CSTPP1: variants seen among roughly 807,000 people sequenced by gnomAD.
The protein encoded by CSTPP1 is UPF0705 protein C11orf49.
the CSTPP1 span, among the ~76,000 whole-genome samples, chr11:47,001,961 T>A: frequency 6.6e-6 from 1 of 152,218 alleles, no homozygotes; most frequent in Non-Finnish European, 1.5e-5. Flanking sequence ...GGGCCATTTC[T>A]GCTCATGTTT....
At chr11:47,088,101 T>C in the CSTPP1 span, among the ~76,000 whole-genome samples, 2 of 152,212 alleles carry the variant, frequency 1.3e-5, no homozygotes, top group South Asian at 4.1e-4. Flanking sequence ...GACATCACAT[T>C]CTGTCGCTTT....
chr11:47,093,161 A>G, the CSTPP1 span, among the ~76,000 whole-genome samples: 1 of 152,244 alleles, frequency 6.6e-6, no homozygotes, highest in Non-Finnish European at 1.5e-5. Flanking sequence ...CAAAGGGCTC[A>G]TTTTACAAAT....
At chr11:47,145,940 G>A in the CSTPP1 span, among the ~76,000 whole-genome samples, 1 of 151,646 alleles carries the variant, frequency 6.6e-6, no homozygotes. Flanking sequence ...TTTAAGATGG[G>A]GTCTTGCTGT....
the CSTPP1 span, among the ~76,000 whole-genome samples, chr11:46,973,790 G>GTGTGTA: frequency 1.3e-5 from 2 of 151,744 alleles, no homozygotes; most frequent in Non-Finnish European, 2.9e-5. Context: ...ATGTGTGTGT[G>GTGTGTA]TGTGTGTGTC....
chr11:46,997,909 C>G, the CSTPP1 span, among the ~76,000 whole-genome samples: 46 of 152,282 alleles, frequency 3.0e-4, no homozygotes, highest in African/African-American at 1.0e-3. Flanking sequence ...GTTGCCTGAT[C>G]GTTCCTCTGG....
chr11:47,080,195 C>T, the CSTPP1 span, among the ~76,000 whole-genome samples: 1 of 152,158 alleles, frequency 6.6e-6, no homozygotes, highest in African/African-American at 2.4e-5. Context: ...GTGGCTCACG[C>T]CTGTAATCCC....
the CSTPP1 span, among the ~76,000 whole-genome samples, chr11:46,998,944 G>T: frequency 6.6e-6 from 1 of 152,034 alleles, no homozygotes; most frequent in Non-Finnish European, 1.5e-5. Flanking sequence ...GCTTCACCGT[G>T]TTAGCCAGGA....
At chr11:47,115,682 T>C in the CSTPP1 span, among the ~76,000 whole-genome samples, 1 of 152,118 alleles carries the variant, frequency 6.6e-6, no homozygotes. Flanking sequence ...TTTTATTGCA[T>C]CTATTTGATT....
At chr11:47,056,394 G>A in the CSTPP1 span, among the ~76,000 whole-genome samples, 1 of 152,122 alleles carries the variant, frequency 6.6e-6, no homozygotes, top group African/African-American at 2.4e-5. Flanking sequence ...TAGAAGTGGG[G>A]CCTCTTCAAG....
the CSTPP1 span, among the ~76,000 whole-genome samples, chr11:47,147,863 TG>T: frequency 6.6e-6 from 1 of 152,230 alleles, no homozygotes; most frequent in African/African-American, 2.4e-5. Context: ...AATGAACTTA[TG>T]GGTGTGTAGT....
the CSTPP1 span, among the ~76,000 whole-genome samples, chr11:47,163,040 T>C: frequency 6.6e-6 from 1 of 151,882 alleles, no homozygotes; most frequent in Non-Finnish European, 1.5e-5. Context: ...CCAGGCATGG[T>C]AGCTTGCACC....
chr11:47,013,528 C>T, the CSTPP1 span, among the ~76,000 whole-genome samples: 2 of 152,160 alleles, frequency 1.3e-5, no homozygotes, highest in African/African-American at 2.4e-5. Context: ...TGTTAGTTTG[C>T]TGAGGATAAT....
the CSTPP1 span, among the ~76,000 whole-genome samples, chr11:46,962,224 C>G: frequency 7.2e-5 from 11 of 152,138 alleles, no homozygotes; most frequent in Admixed American, 6.5e-4. Context: ...CAGGCACTTA[C>G]GTCAAAAATC....
the CSTPP1 span, chr11:47,164,187 C>T: frequency 2.7e-4 from 428 of 1,613,862 alleles, 1 homozygote; most frequent in Middle Eastern, 3.3e-4. Context: ...GCAGGAGGCC[C>T]TGGAGAGAGT....
the CSTPP1 span, among the ~76,000 whole-genome samples, chr11:46,955,700 A>C: frequency 6.6e-6 from 1 of 151,996 alleles, no homozygotes; most frequent in Non-Finnish European, 1.5e-5. Context: ...GAATACATGA[A>C]GAAATGGTCG....
the CSTPP1 span, among the ~76,000 whole-genome samples, chr11:47,117,420 C>G: frequency 1.3e-5 from 2 of 152,120 alleles, no homozygotes; most frequent in African/African-American, 4.8e-5. Flanking sequence ...ATATGAAATT[C>G]TGGGTTGAAA....
the CSTPP1 span, among the ~76,000 whole-genome samples, chr11:47,086,147 G>A: frequency 6.6e-6 from 1 of 150,742 alleles, no homozygotes; most frequent in Non-Finnish European, 1.5e-5. Flanking sequence ...CCAGCACTTT[G>A]GGAGGTGGAG....
chr11:47,077,030 A>G, the CSTPP1 span, among the ~76,000 whole-genome samples: 3 of 151,736 alleles, frequency 2.0e-5, no homozygotes. Context: ...TTGAAGTTCT[A>G]GAAAGAGAAA....
At chr11:47,084,784 CTTTTTCAAGA>C in the CSTPP1 span, among the ~76,000 whole-genome samples, 1 of 152,102 alleles carries the variant, frequency 6.6e-6, no homozygotes, top group Admixed American at 6.5e-5. Context: ...TCAACTTTTT[CTTTTTCAAGA>C]TTGTTTTATT....
Sources: allele counts gnomAD v4.1 joint callset (sites outside exome capture counted in the v4.1 genomes callset), GRCh38; gene constraint gnomAD v4.1.1; transcripts MANE v1.5; gene names NCBI Gene and HGNC (gene_info 2026-07-23, HGNC 2026-07-21).